DLGAP2: variants seen among roughly 807,000 people sequenced by gnomAD.
DLGAP2 encodes DLG associated protein 2.
In DLGAP2, 26 loss-of-function variants were observed where a neutral mutation model predicts 100.3. The ratio of observed to expected loss-of-function variants is 0.26; its 90% CI spans 0.19 to 0.36. DLGAP2 has a LOEUF of 0.36. Among genes scored for constraint, DLGAP2 ranks in the 10% least tolerant of loss-of-function variants. DLGAP2 has a pLI of 1.00. For missense variants in DLGAP2, 1,858 were observed against 1,453.2 expected, an observed-to-expected ratio of 1.28 and a Z score of -4.53; for synonymous variants, 886 against 630.1, an observed-to-expected ratio of 1.41 and a Z score of -6.08.
intron 1 of DLGAP2, among the ~76,000 whole-genome samples, chr8:861,956 A>T (rs1213871789): frequency 4.6e-5 from 7 of 152,240 alleles, no homozygotes; most frequent in Admixed American, 6.5e-5. Flanking sequence ...AAATTATTTT[A>T]AAAGGCACTT....
rs529406110 is a variant in DLGAP2 at position 1,145,911 on chromosome 8, A to G, written c.74-112940A>G. ...AGTTTACTGAGAATGATGATTTCCAATTTCATCCATGTCCCTACAAAGGAC... is the reference window on the plus strand; with the variant it reads ...AGTTTACTGAGAATGATGATTTCCAGTTTCATCCATGTCCCTACAAAGGAC... On this transcript the variant is annotated intron_variant, in intron 2 of 14. Coordinates refer to ENST00000637795, the MANE Select transcript of DLGAP2 (RefSeq NM_001346810.2). Among the ~76,000 whole-genome samples, 97 of 151,012 alleles carry G rather than the reference A, an allele frequency of 6.4e-4. 1 individual carries two copies. Among genetic ancestry groups the G allele is most frequent in the African/African-American group, 2.2e-3 (90 of 40,992 alleles).
At chr8:854,674 T>C (rs1797243932) in intron 1 of DLGAP2, among the ~76,000 whole-genome samples, 1 of 152,204 alleles carries the variant, frequency 6.6e-6, no homozygotes. Context: ...CACATGTGTG[T>C]GCATATGTGC....
chr8:1,560,184 C>T (rs568404734), intron 5 of DLGAP2, among the ~76,000 whole-genome samples: 1 of 152,334 alleles, frequency 6.6e-6, no homozygotes, highest in Non-Finnish European at 1.5e-5. Context: ...GTGACGGTCC[C>T]TGTTTCACAT....
chr8:1,481,881 G>A (rs1799108720), intron 3 of DLGAP2, among the ~76,000 whole-genome samples: 1 of 152,202 alleles, frequency 6.6e-6, no homozygotes. Context: ...GCACCCAGTG[G>A]GTTGATCATG....
intron 1 of DLGAP2, among the ~76,000 whole-genome samples, chr8:809,979 C>T (rs1484623529): frequency 6.6e-6 from 1 of 152,226 alleles, no homozygotes; most frequent in East Asian, 1.9e-4. Flanking sequence ...GGTCAAGGCC[C>T]TCAGCTCTGG....
intron 2 of DLGAP2, among the ~76,000 whole-genome samples, chr8:1,208,838 C>T (rs1798047757): frequency 6.6e-6 from 1 of 151,306 alleles, no homozygotes; most frequent in South Asian, 2.1e-4. Context: ...AGATCAAGAA[C>T]TCCACCCCTT....
rs1023013774 is a variant in DLGAP2, at chr8:1,534,231, A to G, written c.173-14395A>G. Among the ~76,000 whole-genome samples the G allele has an allele frequency of 2.6e-5, 4 of 152,222 alleles. No homozygotes were observed. The South Asian group carries it at 8.3e-4, about 31-fold the overall frequency. On this transcript the variant is annotated intron_variant, in intron 4 of 14. Coordinates refer to ENST00000637795, the MANE Select transcript of DLGAP2 (RefSeq NM_001346810.2). ...TCAGGAAGATATTTGGGAAACAATTATAATTACTTTTGTGAAGCGAAAAGT... is the reference window on the plus strand; with the variant it reads ...TCAGGAAGATATTTGGGAAACAATTGTAATTACTTTTGTGAAGCGAAAAGT...
intron 2 of DLGAP2, among the ~76,000 whole-genome samples, chr8:1,243,300 G>T (rs1798837525): frequency 6.6e-6 from 1 of 152,134 alleles, no homozygotes; most frequent in South Asian, 2.1e-4. Context: ...TGAGGCGGGA[G>T]CTGGTGCAGC....
At chr8:987,881 C>A (rs1177544689) in intron 2 of DLGAP2, among the ~76,000 whole-genome samples, 1 of 152,174 alleles carries the variant, frequency 6.6e-6, no homozygotes, top group Non-Finnish European at 1.5e-5. Context: ...TTCCAACTCA[C>A]CTAGGATTCT....
chr8:1,550,135 C>A (rs999834479), intron 5 of DLGAP2, among the ~76,000 whole-genome samples: 15 of 152,210 alleles, frequency 9.9e-5, no homozygotes, highest in Admixed American at 8.5e-4. Context: ...TCTGTGTGCG[C>A]CGGGCTCATC....
intron 2 of DLGAP2, among the ~76,000 whole-genome samples, chr8:938,488 G>T (rs1479512122): frequency 6.6e-6 from 1 of 152,226 alleles, no homozygotes; most frequent in Non-Finnish European, 1.5e-5. Flanking sequence ...TGAGCAGGCT[G>T]TAGTGGATGC....
chr8:1,570,284 G>A (rs549826084), intron 6 of DLGAP2, among the ~76,000 whole-genome samples: 28 of 152,348 alleles, frequency 1.8e-4, no homozygotes, highest in South Asian at 4.1e-4. Context: ...TTTCACCCAC[G>A]TGAACGCCCA....
In DLGAP2 at chr8:944,150, G is replaced by A. The variant is rs1357298380; in HGVS notation, c.73+36184G>A. Among the ~76,000 whole-genome samples the A allele has an allele frequency of 2.0e-5, 3 of 152,368 alleles. No homozygotes were observed. In the East Asian group the frequency reaches 5.8e-4, roughly 29 times the overall value. Reference sequence around the variant, plus strand: ...ATATTTTGCTGCTGATCTGTTAGGTGGTAACTGATCCCTGTGGGGTGATCC... The same window carrying A: ...ATATTTTGCTGCTGATCTGTTAGGTAGTAACTGATCCCTGTGGGGTGATCC... On this transcript the variant is annotated intron_variant, in intron 2 of 14. Coordinates refer to ENST00000637795, the MANE Select transcript of DLGAP2 (RefSeq NM_001346810.2).
chr8:1,323,190 C>G (rs755473941), intron 3 of DLGAP2, among the ~76,000 whole-genome samples: 1 of 151,962 alleles, frequency 6.6e-6, no homozygotes, highest in Non-Finnish European at 1.5e-5. Flanking sequence ...CCTCCACGCC[C>G]GGCTTACTTT....
At chr8:980,954 T>A (rs1800314726) in intron 2 of DLGAP2, among the ~76,000 whole-genome samples, 2 of 152,162 alleles carry the variant, frequency 1.3e-5, no homozygotes, top group Admixed American at 1.3e-4. Context: ...ATTTTAATCA[T>A]CTGGGTTCAC....
chr8:950,283 A>G (rs1224952401), intron 2 of DLGAP2, among the ~76,000 whole-genome samples: 2 of 152,320 alleles, frequency 1.3e-5, no homozygotes, highest in South Asian at 2.1e-4. Context: ...ATTTTGCTTT[A>G]TTTGATGATT....
intron 2 of DLGAP2, among the ~76,000 whole-genome samples, chr8:1,127,546 C>A (rs1473228288): frequency 6.6e-6 from 1 of 152,202 alleles, no homozygotes; most frequent in Admixed American, 6.5e-5. Flanking sequence ...GACCACTTGG[C>A]TGACCCTCCT....
intron 3 of DLGAP2, among the ~76,000 whole-genome samples, chr8:1,373,381 G>C (rs1440077218): frequency 6.6e-6 from 1 of 152,068 alleles, no homozygotes; most frequent in African/African-American, 2.4e-5. Flanking sequence ...AGCGCCAGAC[G>C]CAGAGCCCTG....
At chr8:1,044,060 G>T (rs182803701) in intron 2 of DLGAP2, among the ~76,000 whole-genome samples, 2 of 152,196 alleles carry the variant, frequency 1.3e-5, no homozygotes, top group African/African-American at 4.8e-5. Context: ...GCCACGCCAC[G>T]CTGTGTTTTA....
Sources: allele counts gnomAD v4.1 joint callset (sites outside exome capture counted in the v4.1 genomes callset), GRCh38; gene constraint gnomAD v4.1.1; transcripts MANE v1.5; gene names NCBI Gene and HGNC (gene_info 2026-07-23, HGNC 2026-07-21).